Variants in NCMAP observed in about 807,000 individuals in gnomAD.
The protein encoded by NCMAP is non-compact myelin associated protein, also known as noncompact myelin-associated protein.
In NCMAP, 8 loss-of-function variants were observed where a neutral mutation model predicts 7.8. The ratio of observed to expected loss-of-function variants is 1.02; its 90% CI spans 0.60 to 1.84. The LOEUF (loss-of-function observed/expected upper bound fraction) is 1.84, where lower values mean the gene tolerates loss of function less well. NCMAP is among the 40% of genes most tolerant of loss of function. The pLI, the probability that NCMAP is intolerant of heterozygous loss-of-function variation, is 0.00. For missense variants in NCMAP, 112 were observed against 131.4 expected, an observed-to-expected ratio of 0.85 and a Z score of 0.72; for synonymous variants, 41 against 52.9, an observed-to-expected ratio of 0.78 and a Z score of 0.98.
intron 1 of NCMAP, among the ~76,000 whole-genome samples, chr1:24,586,190 A>T (rs1439418179): frequency 6.6e-6 from 1 of 152,202 alleles, no homozygotes; most frequent in Non-Finnish European, 1.5e-5. Context: ...ATGAAAATCC[A>T]GGTCTAGGCA....
In NCMAP at chr1:24,571,076, G is replaced by A. The variant is rs76342650; in HGVS notation, c.-8+14907G>A. On this transcript the variant is annotated intron_variant, in intron 1 of 3. Coordinates refer to ENST00000374392, the MANE Select transcript of NCMAP (RefSeq NM_001010980.5). ...TGAGACTTCTCTTGGAGTTCCCAGC[G>A]TCCTTGGGTATAAAGCAAAGAGAGA... 9.7e-3 allele frequency among the ~76,000 whole-genome samples: 1,467 copies of A among 150,818 alleles called. 130 individuals are homozygous for A. The highest frequency in any genetic ancestry group is 0.035 in the African/African-American group (1,418 of 40,116).
intron 1 of NCMAP, among the ~76,000 whole-genome samples, chr1:24,574,787 C>T (rs972526290): frequency 2.0e-5 from 3 of 150,230 alleles, no homozygotes; most frequent in East Asian, 2.0e-4. Flanking sequence ...AGACAAGGCC[C>T]GCAATACTTT....
rs1357908216 is a variant in NCMAP, at chr1:24,577,427, T to TGTTTTTTG, written c.-7-17997_-7-17996insGTTTTTTG. On this transcript the variant is annotated intron_variant, in intron 1 of 3. Transcript: ENST00000374392. The stretch of plus-strand genomic sequence containing the variant: ...TTTTTTTTTTTTTTTTTTTTTTTTT[T>TGTTTTTTG]TTTTGGTTTTTTTGTTTGTTTTTCG... Among the ~76,000 whole-genome samples the TGTTTTTTG allele has an allele frequency of 2.1e-4, 30 of 139,810 alleles. 2 individuals carry two copies. In the East Asian group the frequency reaches 3.0e-3, roughly 14 times the overall value. The allele number at this position is 139,810 out of a possible 152,430, so 91.7% of individuals were successfully genotyped here.
chr1:24,597,675 A>G (rs1206969841), intron 2 of NCMAP, among the ~76,000 whole-genome samples: 2 of 117,398 alleles, frequency 1.7e-5, no homozygotes, highest in African/African-American at 3.1e-5. Flanking sequence ...AAGAAAGAAA[A>G]GAAAAAGAAA....
chr1:24,587,217 G>A (rs1437737238), intron 1 of NCMAP, among the ~76,000 whole-genome samples: 1 of 152,190 alleles, frequency 6.6e-6, no homozygotes, highest in Non-Finnish European at 1.5e-5. Flanking sequence ...ACAGAGGAAT[G>A]AGGAACCCAT....
Position 24,608,795 on chromosome 1 carries a change from C to G in NCMAP, c.*3048C>G. The G allele has an allele frequency of 6.5e-6, 1 of 152,720 alleles. No individual in the cohort carries two copies. The highest frequency in any genetic ancestry group is 1.9e-4 in the East Asian group (1 of 5,248). The allele number at this position is 152,720 out of a possible 1,614,324, so 9.5% of individuals were successfully genotyped here. On this transcript the variant is annotated 3_prime_UTR_variant, in exon 4 of 4. Coordinates refer to ENST00000374392, the MANE Select transcript of NCMAP (RefSeq NM_001010980.5). ...CCTGTATTCCCAGCTACTTGGGAGGCTGAGGTAGGAGGATGGCTTGAGCCT... is the reference window on the plus strand; with the variant it reads ...CCTGTATTCCCAGCTACTTGGGAGGGTGAGGTAGGAGGATGGCTTGAGCCT...
chr1:24,572,290 A>G (rs955574825), intron 1 of NCMAP, among the ~76,000 whole-genome samples: 2 of 150,754 alleles, frequency 1.3e-5, no homozygotes, highest in Non-Finnish European at 2.9e-5. Flanking sequence ...ACTTGGAGGT[A>G]GAGATGGGCT....
chr1:24,586,759 CAAAAA>C (rs71577722), intron 1 of NCMAP, among the ~76,000 whole-genome samples: 1 of 107,422 alleles, frequency 9.3e-6, no homozygotes. Context: ...GACTCCATCT[CAAAAA>C]AAAAAAAAAA....
At chr1:24,581,589 A>G (rs1468666393) in intron 1 of NCMAP, among the ~76,000 whole-genome samples, 1 of 152,244 alleles carries the variant, frequency 6.6e-6, no homozygotes, top group Non-Finnish European at 1.5e-5. Context: ...CGCTGGGAGA[A>G]GTCCAAGGCT....
intron 1 of NCMAP, among the ~76,000 whole-genome samples, chr1:24,595,032 T>C (rs1432301654): frequency 1.4e-5 from 1 of 69,292 alleles, no homozygotes; most frequent in Admixed American, 1.2e-4. Context: ...CCCACTGGAG[T>C]GGGAGGTTGA....
At chr1:24,557,399 G>T (rs1650928429) in intron 1 of NCMAP, among the ~76,000 whole-genome samples, 1 of 150,660 alleles carries the variant, frequency 6.6e-6, no homozygotes, top group Non-Finnish European at 1.5e-5. Flanking sequence ...GTGTGCATGT[G>T]TGTGTGTGTG....
chr1:24,593,220 A>G (rs1652102840), intron 1 of NCMAP, among the ~76,000 whole-genome samples: 1 of 151,840 alleles, frequency 6.6e-6, no homozygotes. Context: ...ATAGGGGATC[A>G]TGCTTGTAAT....
At chr1:24,574,927 C>G (rs1651502523) in intron 1 of NCMAP, among the ~76,000 whole-genome samples, 1 of 145,974 alleles carries the variant, frequency 6.9e-6, no homozygotes, top group Non-Finnish European at 1.5e-5. Flanking sequence ...TCCCAAGTAG[C>G]TGGGATTACA....
intron 1 of NCMAP, among the ~76,000 whole-genome samples, chr1:24,573,516 A>G (rs1362382698): frequency 6.6e-6 from 1 of 150,712 alleles, no homozygotes; most frequent in East Asian, 1.9e-4. Context: ...TGAACCTGGG[A>G]GGCAGAGGTT....
In NCMAP at chr1:24,576,856, A is replaced by G. The variant is rs1052968682; in HGVS notation, c.-7-18568A>G. 2.0e-5 allele frequency among the ~76,000 whole-genome samples: 3 copies of G among 152,154 alleles called. No individual in the cohort carries two copies. The highest frequency in any genetic ancestry group is 7.2e-5 in the African/African-American group (3 of 41,438). ...AAAGAAAGGATGTTACACAGGACAC[A>G]GTGGCTCACACCTGTAATCCCAGCA... On this transcript the variant is annotated intron_variant, in intron 1 of 3. Coordinates refer to ENST00000374392, the MANE Select transcript of NCMAP (RefSeq NM_001010980.5). This position sits in a 1 kb window ranked among gnomAD's most constrained non-coding sequence, Gnocchi z 4.0.
intron 1 of NCMAP, among the ~76,000 whole-genome samples, chr1:24,590,641 C>T (rs1652018518): frequency 6.6e-6 from 1 of 152,064 alleles, no homozygotes. Flanking sequence ...TGCTCTGTCA[C>T]CCAAGCTGGA....
chr1:24,595,331 A>G, intron 1 of NCMAP, 93 bp from the exon 2 acceptor site: 1 of 812,402 alleles, frequency 1.2e-6, no homozygotes, highest in Non-Finnish European at 2.0e-6. Context: ...TGAATATTCT[A>G]CAGTCATCCA....
intron 3 of NCMAP, among the ~76,000 whole-genome samples, chr1:24,602,373 G>A (rs1652531764): frequency 1.5e-5 from 2 of 136,974 alleles, no homozygotes; most frequent in South Asian, 4.2e-4. Context: ...ACGAGGTCAG[G>A]AGATCGAGAC....
At chr1:24,567,824 G>T (rs1651271722) in intron 1 of NCMAP, among the ~76,000 whole-genome samples, 2 of 152,292 alleles carry the variant, frequency 1.3e-5, no homozygotes, top group South Asian at 4.2e-4. Flanking sequence ...ATAGTCTCAA[G>T]GAGCCAGGGT....
Sources: gnomAD v4.1 joint callset for allele counts (sites outside exome capture counted in the v4.1 genomes callset) on GRCh38, gnomAD v4.1.1 for gene constraint, Gnocchi (gnomAD v3.1) non-coding constraint, MANE v1.5 for transcripts, NCBI Gene and HGNC (gene_info 2026-07-23, HGNC 2026-07-21) for gene names.